EHBP1: variants seen among roughly 807,000 people sequenced by gnomAD.
EHBP1 encodes EH domain-binding protein 1.
A neutral mutation model predicts 144.0 loss-of-function variants in EHBP1; 55 were observed. The observed-to-expected ratio is 0.38, with a 90% CI of 0.31 to 0.48. The LOEUF (loss-of-function observed/expected upper bound fraction) is 0.48, where lower values mean the gene tolerates loss of function less well. Ranked by LOEUF, EHBP1 falls within the 20% of genes least tolerant of loss-of-function variation. The pLI, the probability that EHBP1 is intolerant of heterozygous loss-of-function variation, is 0.98. For synonymous variants in EHBP1, 469 were observed against 472.7 expected (o/e 0.99, Z 0.10); for missense variants, 1,200 against 1,364.2 (o/e 0.88, Z 1.90).
intron 1 of EHBP1, among the ~76,000 whole-genome samples, chr2:62,699,621 T>G (rs2034212719): frequency 6.6e-6 from 1 of 152,210 alleles, no homozygotes; most frequent in Non-Finnish European, 1.5e-5. Flanking sequence ...AGGGCTGGTA[T>G]TTAGTTAGTC....
chr2:62,874,053 C>T (rs1011463619), intron 9 of EHBP1, among the ~76,000 whole-genome samples: 1 of 151,986 alleles, frequency 6.6e-6, no homozygotes, highest in Non-Finnish European at 1.5e-5. Flanking sequence ...AAAATATACA[C>T]GATTTACTAT....
chr2:62,679,499 A>C (rs958806008), intron 1 of EHBP1, among the ~76,000 whole-genome samples: 4 of 152,054 alleles, frequency 2.6e-5, no homozygotes, highest in African/African-American at 9.7e-5. Context: ...TTTGTTTGCC[A>C]CCTATCTTTT....
chr2:62,732,172 A>T (rs2037665596), intron 2 of EHBP1, among the ~76,000 whole-genome samples: 1 of 151,544 alleles, frequency 6.6e-6, no homozygotes, highest in African/African-American at 2.4e-5. Flanking sequence ...TTTGTGTTTG[A>T]TTTTCTGTAG....
intron 10 of EHBP1, among the ~76,000 whole-genome samples, chr2:62,880,033 GT>G (rs940145337): frequency 7.2e-5 from 11 of 152,080 alleles, no homozygotes; most frequent in African/African-American, 2.7e-4. Context: ...CAATGGAACA[GT>G]TAAGAGAACT....
chr2:63,043,733 T>G (rs1443798188), intron 21 of EHBP1, among the ~76,000 whole-genome samples: 2 of 151,902 alleles, frequency 1.3e-5, no homozygotes, highest in Non-Finnish European at 1.5e-5. Context: ...TTTGTGAAGA[T>G]TCACATGGTA....
At chr2:62,801,752 A>G (rs1303567653) in intron 5 of EHBP1, among the ~76,000 whole-genome samples, 4 of 152,222 alleles carry the variant, frequency 2.6e-5, no homozygotes. Context: ...TTTAAATTTC[A>G]CAAGCAAGTT....
chr2:62,928,407 G>A (rs1194747394), intron 10 of EHBP1, among the ~76,000 whole-genome samples: 1 of 152,088 alleles, frequency 6.6e-6, no homozygotes, highest in Non-Finnish European at 1.5e-5. Flanking sequence ...GTCCTTTCTG[G>A]TGGCCTCTAG....
At chr2:62,896,616 G>A (rs989822410) in intron 10 of EHBP1, among the ~76,000 whole-genome samples, 1 of 150,594 alleles carries the variant, frequency 6.6e-6, no homozygotes, top group Non-Finnish European at 1.5e-5. Context: ...TCTGCTTCTT[G>A]CATCAGTGTC....
intron 2 of EHBP1, among the ~76,000 whole-genome samples, chr2:62,715,205 C>T (rs1379627611): frequency 1.3e-5 from 2 of 152,158 alleles, no homozygotes; most frequent in Non-Finnish European, 2.9e-5. Flanking sequence ...GCCTCCACCT[C>T]CCGGGTTCAA....
chr2:62,951,310 T>C (rs2057369334), intron 13 of EHBP1, among the ~76,000 whole-genome samples: 1 of 152,124 alleles, frequency 6.6e-6, no homozygotes, highest in Non-Finnish European at 1.5e-5. Context: ...AGAATTTATA[T>C]CTTAGAATTA....
intron 5 of EHBP1, among the ~76,000 whole-genome samples, chr2:62,787,394 G>GCCCCCCCCCCCCCCCCC (rs72201800): frequency 6.8e-4 from 48 of 70,506 alleles, no homozygotes; most frequent in Middle Eastern, 6.8e-3. Flanking sequence ...CTGCACCGCT[G>GCCCCCCCCCCCCCCCCC]CCCCCCCCCC....
chr2:63,000,819 G>C (rs538409447), intron 19 of EHBP1, among the ~76,000 whole-genome samples: 1 of 150,778 alleles, frequency 6.6e-6, no homozygotes, highest in Non-Finnish European at 1.5e-5. Flanking sequence ...AGCTCTTAAT[G>C]GTGTGTGTGT....
rs557778244 is a variant in EHBP1 at position 63,045,024 on chromosome 2, G to T, written c.3278-42G>T. ...GGGGAGGGCGGGGGGCCGGGTGTTC[G>T]GAGGCCCTGCCGGTGGGTAACTAGC... is the stretch of plus-strand genomic sequence containing the variant. On this transcript the variant is annotated intron_variant, in intron 21 of 22. Coordinates refer to ENST00000431489, the MANE Select transcript of EHBP1 (RefSeq NM_001142616.3). The surrounding 1 kb of genome is among the most constrained non-coding windows in gnomAD (Gnocchi z 5.7). The T allele has an allele frequency of 2.0e-6, 3 of 1,463,668 alleles. No individual in the cohort carries two copies. Among genetic ancestry groups the T allele is most frequent in the African/African-American group, 2.8e-5 (2 of 71,232 alleles). 90.7% of individuals were successfully genotyped at this position (1,463,668 alleles called of 1,614,324 possible).
At chr2:62,709,365 A>G (rs1453919037) in intron 2 of EHBP1, among the ~76,000 whole-genome samples, 1 of 152,130 alleles carries the variant, frequency 6.6e-6, no homozygotes, top group Non-Finnish European at 1.5e-5. Context: ...GGTCGTGATT[A>G]TAGGTGTTTC....
At chr2:62,766,633 T>C (rs2041212201) in intron 4 of EHBP1, among the ~76,000 whole-genome samples, 1 of 152,158 alleles carries the variant, frequency 6.6e-6, no homozygotes, top group Non-Finnish European at 1.5e-5. Context: ...CCACTACTTT[T>C]CTCTGTTTCT....
At chr2:62,696,032 T>A (rs2034075467) in intron 1 of EHBP1, among the ~76,000 whole-genome samples, 1 of 151,762 alleles carries the variant, frequency 6.6e-6, no homozygotes, top group Admixed American at 6.6e-5. Context: ...TTTTTTATTG[T>A]AAAAAAAATA....
At chr2:62,918,329 G>T (rs1428996029) in intron 10 of EHBP1, among the ~76,000 whole-genome samples, 1 of 152,164 alleles carries the variant, frequency 6.6e-6, no homozygotes, top group African/African-American at 2.4e-5. Context: ...TGGTCCAAAT[G>T]AGGCACTTAT....
intron 5 of EHBP1, among the ~76,000 whole-genome samples, chr2:62,798,017 A>C (rs1425395932): frequency 6.6e-6 from 1 of 152,230 alleles, no homozygotes; most frequent in Non-Finnish European, 1.5e-5. Context: ...CATATCTGGA[A>C]TATATGGAAA....
intron 10 of EHBP1, among the ~76,000 whole-genome samples, chr2:62,912,314 G>A (rs1385516612): frequency 6.6e-6 from 1 of 152,128 alleles, no homozygotes; most frequent in Non-Finnish European, 1.5e-5. Context: ...CACTTTGGAA[G>A]GCTGAGGCGG....
Sources: gnomAD v4.1 joint callset for allele counts (sites outside exome capture counted in the v4.1 genomes callset) on GRCh38, gnomAD v4.1.1 for gene constraint, Gnocchi (gnomAD v3.1) non-coding constraint, MANE v1.5 for transcripts, NCBI Gene and HGNC (gene_info 2026-07-23, HGNC 2026-07-21) for gene names.